TNRC6A: variants seen among roughly 807,000 people sequenced by gnomAD.
The protein encoded by TNRC6A is trinucleotide repeat-containing gene 6A protein.
Under a neutral mutation model 221.2 loss-of-function variants are expected in TNRC6A, and 44 were observed. The ratio of observed to expected loss-of-function variants is 0.20; its 90% CI spans 0.16 to 0.26. TNRC6A has a LOEUF of 0.26. Among genes scored for constraint, TNRC6A ranks in the 10% least tolerant of loss-of-function variants. TNRC6A has a pLI of 1.00. For missense variants in TNRC6A, 2,199 were observed against 2,404.4 expected, an observed-to-expected ratio of 0.91 and a Z score of 1.79; for synonymous variants, 847 against 838.5, an observed-to-expected ratio of 1.01 and a Z score of -0.18.
In TNRC6A at chr16:24,789,214, ACTT is replaced by A; in HGVS notation, c.590-15_590-13del. The A allele has an allele frequency of 2.6e-6, 4 of 1,546,218 alleles. No individual in the cohort carries two copies. The highest frequency in any genetic ancestry group is 3.5e-6 in the Non-Finnish European group (4 of 1,149,026). Reference sequence around the variant, plus strand: ...GGCCTAACACTTTATAAATAGTTGTACTTCTCCTTTATCCTAGATATAAACCAC... The same window carrying A: ...GGCCTAACACTTTATAAATAGTTGTACTCCTTTATCCTAGATATAAACCAC... On this transcript the variant is annotated splice_polypyrimidine_tract_variant and intron_variant, in intron 5 of 24. Coordinates refer to ENST00000395799, the MANE Select transcript of TNRC6A (RefSeq NM_014494.4).
At chr16:24,755,946 C>G (rs2057241168) in intron 3 of TNRC6A, among the ~76,000 whole-genome samples, 1 of 152,102 alleles carries the variant, frequency 6.6e-6, no homozygotes, top group South Asian at 2.1e-4. Context: ...AAATCTTTCA[C>G]ATTTTATTAT....
chr16:24,685,788 G>A (rs2055615233), intron 2 of TNRC6A, among the ~76,000 whole-genome samples: 1 of 152,180 alleles, frequency 6.6e-6, no homozygotes, highest in Non-Finnish European at 1.5e-5. Context: ...GGGTATGATA[G>A]TAATAACTAG....
intron 4 of TNRC6A, 128 bp from the exon 5 acceptor site, chr16:24,776,805 C>A (rs1165621242): frequency 6.7e-7 from 1 of 1,490,792 alleles, no homozygotes; most frequent in Non-Finnish European, 8.9e-7. Flanking sequence ...ATGAGGATAT[C>A]CCTGCTCACA....
chr16:24,820,128 C>T lies in TNRC6A; in HGVS notation c.5081-11C>T. 6.2e-7 allele frequency: 1 copy of T among 1,610,726 alleles called. No individual in the cohort carries two copies. Among genetic ancestry groups the T allele is most frequent in the South Asian group, 1.1e-5 (1 of 90,674 alleles). On this transcript the variant is annotated splice_polypyrimidine_tract_variant and intron_variant, in intron 21 of 24. Transcript: ENST00000395799. ...ATTCCTCCCCTCTCCATTTTTTCCC[C>T]CTTTGAGTAGCCAGAAATAGTGATT...
rs35308503 is a variant in TNRC6A, at chr16:24,649,816, CTTTT to C, written n.402+8831_402+8834del. ...CCCCCAGCTTCCAGTCTCTCTCTCT[CTTTT>C]TTTTTTTTTTTTTTTTTTTTTTTGG... On this transcript the variant is annotated intron_variant and non_coding_transcript_variant, in intron 2 of 2. Transcript: ENST00000566108. Among the ~76,000 whole-genome samples the C allele has an allele frequency of 7.0e-3, 553 of 78,820 alleles. 2 individuals are homozygous for C. Among genetic ancestry groups the C allele is most frequent in the African/African-American group, 0.016 (281 of 17,084 alleles). 51.7% of individuals were successfully genotyped at this position (78,820 alleles called of 152,430 possible). A position where few individuals can be genotyped will look rare whatever the true frequency, so the allele number is the denominator to read the frequency against.
chr16:24,823,799 T>A lies in TNRC6A; in HGVS notation c.5881T>A (p.Ser1961Thr), dbSNP rs147157746. The A allele has an allele frequency of 1.2e-5, 18 of 1,465,350 alleles. No individual in the cohort carries two copies. The highest frequency in any genetic ancestry group is 1.5e-5 in the Non-Finnish European group (17 of 1,107,848). The allele number at this position is 1,465,350 out of a possible 1,614,324, so 90.8% of individuals were successfully genotyped here. Reference protein sequence around the residue: ...SVDHLGGGGESM With the variant: ...SVDHLGGGGETM ...TGACCACCTGGGTGGGGGTGGAGAGTCCATGTAACAGTGTAGATGCAGACT... is the reference window on the plus strand; with the variant it reads ...TGACCACCTGGGTGGGGGTGGAGAGACCATGTAACAGTGTAGATGCAGACT... The change falls in exon 25 of 25, where the codon TCC becomes ACC. Residue 1961 changes from serine (S) to threonine (T), a missense_variant. Transcript: ENST00000395799. The surrounding 1 kb of genome is among the most constrained non-coding windows in gnomAD (Gnocchi z 4.3).
At chr16:24,712,657 T>A (rs1567379266) in intron 2 of TNRC6A, among the ~76,000 whole-genome samples, 1 of 152,256 alleles carries the variant, frequency 6.6e-6, no homozygotes, top group Non-Finnish European at 1.5e-5. Context: ...TGAAGAAGTT[T>A]ATTTTACGAA....
intron 5 of TNRC6A, among the ~76,000 whole-genome samples, chr16:24,786,742 C>T (rs1487353972): frequency 6.6e-6 from 1 of 151,898 alleles, no homozygotes. Context: ...AGTGCAGTGG[C>T]GCCATCTCGG....
intron 2 of TNRC6A, among the ~76,000 whole-genome samples, chr16:24,748,706 A>G (rs1567420018): frequency 6.6e-6 from 1 of 151,916 alleles, no homozygotes; most frequent in Non-Finnish European, 1.5e-5. Context: ...ATTTTGTTTA[A>G]TCTCATTGCA....
intron 20 of TNRC6A, 152 bp downstream of exon 20, chr16:24,817,108 G>T (rs546715871): frequency 3.1e-6 from 2 of 648,886 alleles, no homozygotes; most frequent in South Asian, 8.8e-5. Flanking sequence ...CAACATAGTT[G>T]TGGGACCCTG....
At chr16:24,787,585 C>A (rs992126994) in intron 5 of TNRC6A, among the ~76,000 whole-genome samples, 2 of 152,202 alleles carry the variant, frequency 1.3e-5, no homozygotes, top group African/African-American at 4.8e-5. Context: ...ATGAGAAATT[C>A]TCCTTATGGG....
chr16:24,626,014 C>A (rs1400174337), intron 1 of TNRC6A, among the ~76,000 whole-genome samples: 4 of 152,072 alleles, frequency 2.6e-5, no homozygotes, highest in Admixed American at 6.6e-5. Context: ...CCAATAGTTT[C>A]TTTTCAACTT....
chr16:24,629,401 T>C (rs1901214980), intron 1 of TNRC6A, among the ~76,000 whole-genome samples: 1 of 152,230 alleles, frequency 6.6e-6, no homozygotes, highest in Admixed American at 6.5e-5. Flanking sequence ...TCCAGAAATT[T>C]TTAAACATTC....
At chr16:24,725,620 CCTTT>C (rs1009104674), upstream of TNRC6A, among the ~76,000 whole-genome samples, 1 of 151,852 alleles carries the variant, frequency 6.6e-6, no homozygotes, top group African/African-American at 2.4e-5. Flanking sequence ...ATGTTGTGTT[CCTTT>C]GTTTTACACT....
chr16:24,739,421 C>G (rs2056842902), intron 2 of TNRC6A, among the ~76,000 whole-genome samples: 1 of 151,100 alleles, frequency 6.6e-6, no homozygotes, highest in African/African-American at 2.4e-5. Flanking sequence ...GATACAAGTC[C>G]CTTATTAGAT....
intron 2 of TNRC6A, among the ~76,000 whole-genome samples, chr16:24,719,931 T>C (rs2056381061): frequency 6.6e-6 from 1 of 152,066 alleles, no homozygotes; most frequent in Non-Finnish European, 1.5e-5. Context: ...GTCTTTAGAA[T>C]ATATAACTGG....
At chr16:24,799,505 C>T (rs1200770704) in intron 11 of TNRC6A, among the ~76,000 whole-genome samples, 1 of 152,234 alleles carries the variant, frequency 6.6e-6, no homozygotes, top group Admixed American at 6.5e-5. Flanking sequence ...GTATTCATCA[C>T]TGGCTATATA....
intron 2 of TNRC6A, among the ~76,000 whole-genome samples, chr16:24,684,817 A>C (rs1306679714): frequency 6.6e-6 from 1 of 152,222 alleles, no homozygotes; most frequent in African/African-American, 2.4e-5. Flanking sequence ...AATAAAAATA[A>C]AAACTAAAAC....
chr16:24,764,985 CT>C (rs2057442237), intron 4 of TNRC6A, among the ~76,000 whole-genome samples: 1 of 152,184 alleles, frequency 6.6e-6, no homozygotes, highest in Admixed American at 6.5e-5. Context: ...TGGTCCCTCT[CT>C]CAAAATACTT....
Sources: gnomAD v4.1 joint callset for allele counts (sites outside exome capture counted in the v4.1 genomes callset) on GRCh38, gnomAD v4.1.1 for gene constraint, Gnocchi (gnomAD v3.1) non-coding constraint, MANE v1.5 for transcripts, NCBI Gene and HGNC (gene_info 2026-07-23, HGNC 2026-07-21) for gene names.